BAIAP3: variants seen among roughly 807,000 people sequenced by gnomAD.
BAIAP3 encodes the protein BAI1 associated protein 3, also known as BAI1-associated protein 3.
BAIAP3 carries 180 observed loss-of-function variants against 149.7 expected under a neutral mutation model. That is an observed-to-expected ratio of 1.20 (90% CI 1.07 to 1.36). The LOEUF (loss-of-function observed/expected upper bound fraction) is 1.36, where lower values mean the gene tolerates loss of function less well. Ranked by LOEUF, BAIAP3 falls within the 40% of genes most tolerant of loss-of-function variation. The pLI is 0.00. For synonymous variants in BAIAP3, 845 were observed against 670.7 expected (o/e 1.26, Z -4.02); for missense variants, 1,767 against 1,563.4 (o/e 1.13, Z -2.20).
chr16:1,346,252 C>A lies in BAIAP3; in HGVS notation c.2384C>A (p.Ala795Asp). 6.2e-7 allele frequency: 1 copy of A among 1,611,002 alleles called. No individual in the cohort carries two copies. Among genetic ancestry groups the A allele is most frequent in the South Asian group, 1.1e-5 (1 of 90,870 alleles). The change falls in exon 25 of 34, where the codon GCC becomes GAC. Residue 795 changes from alanine to aspartate, a missense_variant. Transcript: ENST00000426824. ...ALKGLAWPEG[A>D]TGPEGVLPRP... ...AAGGGCCTGGCATGGCCAGAGGGGG[C>A]CACGGGGCCCGAGGGGGTGCTCCCC...
chr16:1,347,445 G>A, intron 29 of BAIAP3, 76 bp downstream of exon 29: 1 of 1,590,968 alleles, frequency 6.3e-7, no homozygotes, highest in Non-Finnish European at 8.6e-7. Context: ...CACGGGCTGT[G>A]TCCTTGAGCA....
Position 1,344,246 on chromosome 16 carries a change from C to T in BAIAP3, c.1531C>T (p.Leu511Phe), listed in dbSNP as rs1339430676. Reference protein sequence around the residue: ...LLLKCLGKLQLFQPSFEICPF... With the variant: ...LLLKCLGKLQFFQPSFEICPF... ...ACCCAGGTGTCTGGGCAAGCTGCAGCTCTTCCAACCCTCCTTTGAGATCTG... is the reference window on the plus strand; with the variant it reads ...ACCCAGGTGTCTGGGCAAGCTGCAGTTCTTCCAACCCTCCTTTGAGATCTG... The change falls in exon 17 of 34, where the codon CTC becomes TTC. Residue 511 changes from leucine to phenylalanine, a missense_variant. Transcript: ENST00000426824. 6.2e-7 allele frequency: 1 copy of T among 1,613,540 alleles called. No homozygotes were observed. The highest frequency in any genetic ancestry group is 8.5e-7 in the Non-Finnish European group (1 of 1,179,992).
rs759516065 is a variant in BAIAP3, at chr16:1,341,448, G to A, written c.690G>A (p.Lys230=). 4.3e-6 allele frequency: 7 copies of A among 1,612,406 alleles called. No individual in the cohort carries two copies. Among genetic ancestry groups the A allele is most frequent in the Non-Finnish European group, 5.9e-6 (7 of 1,179,818 alleles). The change falls in exon 8 of 34, where the codon AAG becomes AAA. Residue 230 remains lysine (K), a synonymous_variant. Coordinates refer to ENST00000426824, the MANE Select transcript of BAIAP3 (RefSeq NM_001199097.2). ...AGTGCATCCAGGTCACCGAGGTGAAGAGCAGCACCCTGAACCCCGTCTGGA... is the reference window on the plus strand; with the variant it reads ...AGTGCATCCAGGTCACCGAGGTGAAAAGCAGCACCCTGAACCCCGTCTGGA... The part of the protein sequence containing the change: ...PAKCIQVTEV[K]SSTLNPVWKE...
At chr16:1,341,521 G>C in intron 8 of BAIAP3, 32 bp downstream of exon 8, 3 of 1,588,164 alleles carry the variant, frequency 1.9e-6, no homozygotes, top group Non-Finnish European at 2.6e-6. Context: ...GTGCGGGAGG[G>C]GGGCTCTGCC....
intron 7 of BAIAP3, 46 bp from the exon 8 acceptor site, chr16:1,341,248 G>A: frequency 1.2e-6 from 2 of 1,605,912 alleles, no homozygotes; most frequent in Middle Eastern, 1.7e-4. Flanking sequence ...CGGCCATGGA[G>A]GGCCAGAGGG....
chr16:1,342,555 G>A lies in BAIAP3; in HGVS notation c.986G>A (p.Trp329Ter), dbSNP rs2141591168. ...REVPVAGVDRWFKLEPRSSAS... is the reference protein window; with the variant it reads ...REVPVAGVDR ...GTGCCTGTGGCTGGCGTCGACCGCTGGTTCAAGCTGGAGCCACGCTCCAGT... is the reference window on the plus strand; with the variant it reads ...GTGCCTGTGGCTGGCGTCGACCGCTAGTTCAAGCTGGAGCCACGCTCCAGT... The change falls in exon 12 of 34, where the codon TGG becomes TAG. Residue 329 changes from tryptophan to a stop codon, truncating the protein, a stop_gained. Transcript: ENST00000426824. LOFTEE classifies it high-confidence loss of function. The A allele has an allele frequency of 6.4e-7, 1 of 1,554,872 alleles. No homozygotes were observed. The highest frequency in any genetic ancestry group is 8.7e-7 in the Non-Finnish European group (1 of 1,149,942).
At position 1,339,492 on chromosome 16, in the gene BAIAP3, G is replaced by A; in HGVS notation, c.301-4G>A. The A allele has an allele frequency of 6.2e-7, 1 of 1,605,710 alleles. No individual in the cohort carries two copies. The highest frequency in any genetic ancestry group is 8.5e-7 in the Non-Finnish European group (1 of 1,174,764). On this transcript the variant is annotated splice_polypyrimidine_tract_variant and splice_region_variant and intron_variant, in intron 4 of 33. Transcript: ENST00000426824. ...CACTGTGGCCGCCCTTCCCCCACCT[G>A]CAGGTGGAGATGCTCTACGAGGAGG...
rs539626328 is a variant in BAIAP3, at chr16:1,348,801, C to T, written c.*319C>T. On this transcript the variant is annotated 3_prime_UTR_variant, in exon 34 of 34. Coordinates refer to ENST00000426824, the MANE Select transcript of BAIAP3 (RefSeq NM_001199097.2). ...CTGCCCGCTTCCTTGGGCTCCCCGG[C>T]CCTGGGTGGGCGGTGGGCAGCTGGT... is the stretch of plus-strand genomic sequence containing the variant. 63 of 482,782 alleles carry T rather than the reference C, an allele frequency of 1.3e-4. No individual in the cohort carries two copies. The highest frequency in any genetic ancestry group is 2.2e-4 in the Non-Finnish European group (59 of 265,682). The allele number at this position is 482,782 out of a possible 1,614,324, so 29.9% of individuals were successfully genotyped here.
chr16:1,339,738 C>A, intron 5 of BAIAP3, 135 bp downstream of exon 5: 1 of 665,706 alleles, frequency 1.5e-6, no homozygotes, highest in South Asian at 1.9e-5. Context: ...GAGACGGCTG[C>A]AGGTGCACAC....
Position 1,346,868 on chromosome 16 carries a change from G to T in BAIAP3, c.2664G>T (p.Glu888Asp). ...NLSRVLEALW[E>D]LLLQAILQAL... is the part of the protein sequence containing the mutation. Reference sequence around the variant, plus strand: ...GCAGGGTGCTGGAGGCCCTGTGGGAGCTACTCCTCCAGGCCATTCTGCAGG... The same window carrying T: ...GCAGGGTGCTGGAGGCCCTGTGGGATCTACTCCTCCAGGCCATTCTGCAGG... Residue 888 changes from glutamate to aspartate, a missense_variant, in exon 28 of 34, where the codon GAG becomes GAT. Transcript: ENST00000426824. 6.2e-7 allele frequency: 1 copy of T among 1,607,234 alleles called. No individual in the cohort carries two copies.
rs775870507 is a variant in BAIAP3 at position 1,348,418 on chromosome 16, A to G, written c.3395A>G (p.Lys1132Arg). The G allele has an allele frequency of 1.2e-6, 2 of 1,612,768 alleles. No homozygotes were observed. Among genetic ancestry groups the G allele is most frequent in the Middle Eastern group, 1.7e-4 (1 of 6,032 alleles). Residue 1132 changes from lysine to arginine, a missense_variant, in exon 34 of 34, where the codon AAG (lysine) becomes AGG (arginine). Physicochemically the swap from Lys to Arg is conservative, Grantham distance 26. Transcript: ENST00000426824. Reference protein sequence around the residue: ...ALRRLEGRTSKEAQEFVKKLK... With the variant: ...ALRRLEGRTSREAQEFVKKLK... ...AGGAGGCTGGAAGGCCGCACCAGCA[A>G]GGAGGCGCAGGAGTTCGTGAAGAAA...
At chr16:1,339,325 C>G (rs895876188) in intron 4 of BAIAP3, 81 bp downstream of exon 4, 1 of 1,526,408 alleles carries the variant, frequency 6.6e-7, no homozygotes, top group Non-Finnish European at 8.8e-7. Flanking sequence ...ACTGTGTGCA[C>G]AGGGTCTGGT....
In BAIAP3 at chr16:1,348,829, C is replaced by T. The variant is rs1181032844; in HGVS notation, c.*347C>T. ...TGGGTGGGCGGTGGGCAGCTGGTCT[C>T]CAGGGACTCAGTGAGTGGCTGTGCT... On this transcript the variant is annotated 3_prime_UTR_variant, in exon 34 of 34. Coordinates refer to ENST00000426824, the MANE Select transcript of BAIAP3 (RefSeq NM_001199097.2). 2.4e-6 allele frequency: 1 copy of T among 421,600 alleles called. No homozygotes were observed. 26.1% of individuals were successfully genotyped at this position (421,600 alleles called of 1,614,324 possible). A position where few individuals can be genotyped will look rare whatever the true frequency, so the allele number is the denominator to read the frequency against.
Position 1,338,996 on chromosome 16 carries a change from G to T in BAIAP3, c.219+7G>T. ...GGGCTTGCCGTGCCTCGAGGTAAGG[G>T]TGCCACCCCCAGGGCCCGATACCAC... On this transcript the variant is annotated splice_region_variant and intron_variant, in intron 3 of 33. Transcript: ENST00000426824. The T allele has an allele frequency of 6.2e-7, 1 of 1,612,628 alleles. No individual in the cohort carries two copies. Among genetic ancestry groups the T allele is most frequent in the East Asian group, 2.2e-5 (1 of 44,846 alleles).
At chr16:1,336,806 C>T (rs1330729020) in intron 1 of BAIAP3, among the ~76,000 whole-genome samples, 1 of 152,180 alleles carries the variant, frequency 6.6e-6, no homozygotes, top group African/African-American at 2.4e-5. Context: ...CCTCTCCTGT[C>T]CCGTGAGAAT....
Position 1,338,727 on chromosome 16 carries a change from C to T in BAIAP3, c.131+47C>T, listed in dbSNP as rs749541409. ...CCCACACGCCCACAGGGCCATTTCC[C>T]GCCAGACTTCACACATGGCCGCCCC... is the stretch of plus-strand genomic sequence containing the variant. On this transcript the variant is annotated intron_variant, in intron 2 of 33. Coordinates refer to ENST00000426824, the MANE Select transcript of BAIAP3 (RefSeq NM_001199097.2). 4.0e-5 allele frequency: 62 copies of T among 1,558,852 alleles called. No individual in the cohort carries two copies. The Middle Eastern group carries it at 6.3e-4, about 16-fold the overall frequency.
At chr16:1,336,811 G>A (rs1205787611) in intron 1 of BAIAP3, among the ~76,000 whole-genome samples, 1 of 152,224 alleles carries the variant, frequency 6.6e-6, no homozygotes, top group African/African-American at 2.4e-5. Flanking sequence ...CCTGTCCCGT[G>A]AGAATGACTA....
intron 5 of BAIAP3, 63 bp from the exon 6 acceptor site, chr16:1,340,859 G>A (rs2141583625): frequency 6.6e-7 from 1 of 1,521,360 alleles, no homozygotes; most frequent in Non-Finnish European, 8.9e-7. Context: ...CGAGGTCCCA[G>A]CACAGTGGCC....
At chr16:1,343,224 G>T in intron 14 of BAIAP3, 169 bp from the exon 15 acceptor site, 1 of 1,165,246 alleles carries the variant, frequency 8.6e-7, no homozygotes, top group East Asian at 2.6e-5. Flanking sequence ...GCGGTGCCAT[G>T]AGTAGGTACG....
Sources: allele counts gnomAD v4.1 joint callset (sites outside exome capture counted in the v4.1 genomes callset), GRCh38; gene constraint gnomAD v4.1.1; transcripts MANE v1.5; gene names NCBI Gene and HGNC (gene_info 2026-07-23, HGNC 2026-07-21).